FOXN4: variants seen among roughly 807,000 people sequenced by gnomAD.
FOXN4 encodes the protein forkhead box N4.
FOXN4 carries 12 observed loss-of-function variants against 45.0 expected under a neutral mutation model. The ratio of observed to expected loss-of-function variants is 0.27; its 90% CI spans 0.17 to 0.43. The LOEUF (loss-of-function observed/expected upper bound fraction) is 0.43, where lower values mean the gene tolerates loss of function less well. Among genes scored for constraint, FOXN4 ranks in the 20% least tolerant of loss-of-function variants. The pLI is 1.00. For synonymous variants in FOXN4, 297 were observed against 295.0 expected, an observed-to-expected ratio of 1.01 and a Z score of -0.07; for missense variants, 560 against 694.9, an observed-to-expected ratio of 0.81 and a Z score of 2.18.
chr12:109,280,597 C>G (rs1217768657), intron 9 of FOXN4, among the ~76,000 whole-genome samples: 2 of 152,166 alleles, frequency 1.3e-5, no homozygotes, highest in Admixed American at 6.5e-5. Flanking sequence ...CTTTCTTCAG[C>G]ACGTTGAACT....
chr12:109,287,219 G>A lies in FOXN4; in HGVS notation c.596+178C>T, dbSNP rs2047721054. 6.6e-6 allele frequency among the ~76,000 whole-genome samples: 1 copy of A among 152,186 alleles called. No homozygotes were observed. Among genetic ancestry groups the A allele is most frequent in the Non-Finnish European group, 1.5e-5 (1 of 68,034 alleles). ...GGTCTGCAGTGGGCTCTTGACCTGGGGGACCCTATGATGCGCCTTCCTGAG... is the reference window on the plus strand; with the variant it reads ...GGTCTGCAGTGGGCTCTTGACCTGGAGGACCCTATGATGCGCCTTCCTGAG... On this transcript the variant is annotated intron_variant, in intron 6 of 9. Coordinates refer to ENST00000299162, the MANE Select transcript of FOXN4 (RefSeq NM_213596.3). This position sits in a 1 kb window ranked among gnomAD's most constrained non-coding sequence, Gnocchi z 4.1.
Position 109,288,275 on chromosome 12 carries a change from C to T in FOXN4, c.233-95G>A, listed in dbSNP as rs1349206895. On this transcript the variant is annotated intron_variant, in intron 3 of 9. Coordinates refer to ENST00000299162, the MANE Select transcript of FOXN4 (RefSeq NM_213596.3). This position sits in a 1 kb window ranked among gnomAD's most constrained non-coding sequence, Gnocchi z 4.3. ...GCCCAGGTGTCTCCGGAGAACGGAG[C>T]CAGCCCCTTTCCTCGGACCAGGCAC... 4.8e-6 allele frequency: 7 copies of T among 1,469,246 alleles called. No individual in the cohort carries two copies. In the South Asian group the frequency reaches 7.9e-5, roughly 17 times the overall value. 91.0% of individuals were successfully genotyped at this position (1,469,246 alleles called of 1,614,324 possible).
At chr12:109,304,787 G>A (rs536303132) in intron 2 of FOXN4, among the ~76,000 whole-genome samples, 4 of 152,318 alleles carry the variant, frequency 2.6e-5, no homozygotes, top group South Asian at 4.1e-4. Context: ...GTGGGAGGGC[G>A]AATGAGAAGC....
intron 2 of FOXN4, among the ~76,000 whole-genome samples, chr12:109,300,885 G>A (rs1001477662): frequency 2.0e-5 from 3 of 152,068 alleles, no homozygotes; most frequent in African/African-American, 7.2e-5. Flanking sequence ...CTCCAGCCTG[G>A]GGGACAGAGC....
chr12:109,280,047 GA>G, intron 9 of FOXN4, 117 bp from the exon 10 acceptor site: 2 of 1,438,234 alleles, frequency 1.4e-6, no homozygotes, highest in East Asian at 4.6e-5. Context: ...ATGTGTTGTA[GA>G]AAAAGGGCAT....
rs142149037 is a variant in FOXN4 at position 109,301,747 on chromosome 12, C to A, written c.86+6489G>T. Among the ~76,000 whole-genome samples, 497 of 152,312 alleles carry A rather than the reference C, an allele frequency of 3.3e-3. 2 individuals carry two copies. The highest frequency in any genetic ancestry group is 0.011 in the African/African-American group (466 of 41,558). ...ATATTTACTTATACATGTTTCCAGT[C>A]TTTCTGCCATAGGATGGCAAGGACC... On this transcript the variant is annotated intron_variant, in intron 2 of 9. Coordinates refer to ENST00000299162, the MANE Select transcript of FOXN4 (RefSeq NM_213596.3).
In FOXN4 at chr12:109,288,779, A is replaced by G. The variant is rs2047739878; in HGVS notation, c.233-599T>C. On this transcript the variant is annotated intron_variant, in intron 3 of 9. Coordinates refer to ENST00000299162, the MANE Select transcript of FOXN4 (RefSeq NM_213596.3). This position sits in a 1 kb window ranked among gnomAD's most constrained non-coding sequence, Gnocchi z 4.3. Reference sequence around the variant, plus strand: ...TTACTGCTCTAGCCTGATTTTAGGCAGCCACCTCCAATCAAGCAAAGTTGA... The same window carrying G: ...TTACTGCTCTAGCCTGATTTTAGGCGGCCACCTCCAATCAAGCAAAGTTGA... Among the ~76,000 whole-genome samples, 1 of 152,230 alleles carries G rather than the reference A, an allele frequency of 6.6e-6. No homozygotes were observed. Among genetic ancestry groups the G allele is most frequent in the Non-Finnish European group, 1.5e-5 (1 of 68,048 alleles).
intron 2 of FOXN4, among the ~76,000 whole-genome samples, chr12:109,293,200 A>G (rs2136932577): frequency 6.6e-6 from 1 of 151,390 alleles, no homozygotes; most frequent in East Asian, 2.0e-4. Context: ...CTCTTACTTT[A>G]CCTCTGGAAA....
Position 109,290,070 on chromosome 12 carries a change from G to T in FOXN4, c.232+71C>A. On this transcript the variant is annotated intron_variant, in intron 3 of 9. Coordinates refer to ENST00000299162, the MANE Select transcript of FOXN4 (RefSeq NM_213596.3). The surrounding 1 kb of genome is among the most constrained non-coding windows in gnomAD (Gnocchi z 5.1). ...ACCGGGTCATGGCTGCACAGTGGGT[G>T]GGTGGCAGGGCTGGGAATCACCCCT... 6.9e-7 allele frequency: 1 copy of T among 1,458,344 alleles called. No homozygotes were observed. The highest frequency in any genetic ancestry group is 9.1e-7 in the Non-Finnish European group (1 of 1,095,742). 90.3% of individuals were successfully genotyped at this position (1,458,344 alleles called of 1,614,324 possible). A position where few individuals can be genotyped will look rare whatever the true frequency, so the allele number is the denominator to read the frequency against.
chr12:109,289,347 A>G (rs1345750809), intron 3 of FOXN4, among the ~76,000 whole-genome samples: 1 of 152,218 alleles, frequency 6.6e-6, no homozygotes, highest in Non-Finnish European at 1.5e-5. Flanking sequence ...GCAAAGTTGA[A>G]TTGTTTTGAC....
At chr12:109,298,453 C>G (rs1465646175) in intron 2 of FOXN4, among the ~76,000 whole-genome samples, 2 of 151,782 alleles carry the variant, frequency 1.3e-5, no homozygotes. Flanking sequence ...CCTCCGCCTC[C>G]CGGGTTCAAG....
chr12:109,303,504 G>A (rs2047885924), intron 2 of FOXN4, among the ~76,000 whole-genome samples: 1 of 152,248 alleles, frequency 6.6e-6, no homozygotes, highest in African/African-American at 2.4e-5. Flanking sequence ...TCTACTGTGT[G>A]CCCAGCATTG....
chr12:109,299,345 GATGCACACATGTGTGCACACACAC>G (rs2047847190), intron 2 of FOXN4, among the ~76,000 whole-genome samples: 1 of 151,762 alleles, frequency 6.6e-6, no homozygotes, highest in African/African-American at 2.4e-5. Flanking sequence ...TACGCACACG[GATGCACACATGTGTGCACACACAC>G]GTGCACACAC....
At chr12:109,305,603 G>A (rs1266972985) in intron 2 of FOXN4, among the ~76,000 whole-genome samples, 3 of 152,058 alleles carry the variant, frequency 2.0e-5, no homozygotes, top group Non-Finnish European at 2.9e-5. Flanking sequence ...GGTTGCTCTC[G>A]CCTGTAATCC....
At chr12:109,281,149 C>T (rs573393416) in intron 9 of FOXN4, among the ~76,000 whole-genome samples, 1 of 152,348 alleles carries the variant, frequency 6.6e-6, no homozygotes, top group East Asian at 1.9e-4. Context: ...TTGAACATCC[C>T]TAATCCAACC....
chr12:109,294,223 C>G (rs2047796197), intron 2 of FOXN4, among the ~76,000 whole-genome samples: 1 of 152,164 alleles, frequency 6.6e-6, no homozygotes, highest in African/African-American at 2.4e-5. Flanking sequence ...CAGCTATGCT[C>G]TGGGGGAAGG....
chr12:109,292,156 G>A (rs183519989), intron 2 of FOXN4, among the ~76,000 whole-genome samples: 5 of 152,272 alleles, frequency 3.3e-5, no homozygotes, highest in Admixed American at 2.0e-4. Flanking sequence ...ACAACCTCCC[G>A]GCGCCTGGTG....
chr12:109,308,576 G>A (rs1421840971), intron 1 of FOXN4, among the ~76,000 whole-genome samples: 2 of 152,172 alleles, frequency 1.3e-5, no homozygotes, highest in African/African-American at 4.8e-5. Context: ...ATTAATGGGG[G>A]AAGAGCAAGG....
intron 8 of FOXN4, among the ~76,000 whole-genome samples, chr12:109,282,149 T>G (rs1247200037): frequency 1.3e-5 from 2 of 152,188 alleles, no homozygotes; most frequent in Admixed American, 1.3e-4. Context: ...CTGTGCAGAA[T>G]CTTTGAGGAA....
Sources: gnomAD v4.1 joint callset for allele counts (sites outside exome capture counted in the v4.1 genomes callset) on GRCh38, gnomAD v4.1.1 for gene constraint, Gnocchi (gnomAD v3.1) non-coding constraint, MANE v1.5 for transcripts, NCBI Gene and HGNC (gene_info 2026-07-23, HGNC 2026-07-21) for gene names.